Variants in CCDC141 observed in about 807,000 individuals in gnomAD.
CCDC141 encodes coiled-coil domain containing 141.
In CCDC141, 168 loss-of-function variants were observed where a neutral mutation model predicts 181.0. The observed-to-expected ratio is 0.93, with a 90% CI of 0.82 to 1.05. CCDC141 has a LOEUF of 1.05. Among genes scored for constraint, CCDC141 ranks in the 50% least tolerant of loss-of-function variants. The pLI is 0.00. For missense variants in CCDC141, 1,902 were observed against 1,788.5 expected (o/e 1.06, Z -1.14); for synonymous variants, 666 against 642.3 (o/e 1.04, Z -0.56).
At chr2:179,035,467 C>A (rs932016353) in intron 2 of CCDC141, among the ~76,000 whole-genome samples, 4 of 152,142 alleles carry the variant, frequency 2.6e-5, no homozygotes, top group African/African-American at 9.7e-5. Context: ...ATTCTAGTAG[C>A]CTGGAATAGC....
At chr2:178,989,603 A>AT (rs751550367) in intron 2 of CCDC141, among the ~76,000 whole-genome samples, 52,724 of 107,586 alleles carry the variant, frequency 0.49, 11,679 homozygotes, top group Non-Finnish European at 0.59. Context: ...CAAAAAAAAA[A>AT]AAAAATAAAT....
chr2:178,949,481 C>G (rs1452328772), intron 5 of CCDC141, among the ~76,000 whole-genome samples: 1 of 152,114 alleles, frequency 6.6e-6, no homozygotes, highest in East Asian at 1.9e-4. Flanking sequence ...AGAATTCATA[C>G]TATGCAATAT....
intron 5 of CCDC141, among the ~76,000 whole-genome samples, chr2:178,944,913 A>T (rs1487460068): frequency 6.6e-6 from 1 of 152,174 alleles, no homozygotes; most frequent in African/African-American, 2.4e-5. Context: ...ATAAAATGAA[A>T]ATCTCCTAAC....
intron 6 of CCDC141, among the ~76,000 whole-genome samples, chr2:178,923,201 T>G: frequency 6.8e-6 from 1 of 148,124 alleles, no homozygotes; most frequent in African/African-American, 2.5e-5. Flanking sequence ...GCCTCCCGGG[T>G]TCACGCCATT....
intron 1 of CCDC141, among the ~76,000 whole-genome samples, chr2:179,049,237 A>G (rs2154391575): frequency 6.6e-6 from 1 of 152,306 alleles, no homozygotes; most frequent in East Asian, 1.9e-4. Context: ...TGTTAAGAGC[A>G]AATTTGACAC....
intron 2 of CCDC141, among the ~76,000 whole-genome samples, chr2:178,990,319 A>T (rs1691988456): frequency 6.6e-6 from 1 of 151,996 alleles, no homozygotes; most frequent in South Asian, 2.1e-4. Flanking sequence ...ATGACCAAGA[A>T]ATTATGCTCC....
chr2:178,948,978 C>A (rs750305272), intron 5 of CCDC141, among the ~76,000 whole-genome samples: 2 of 152,148 alleles, frequency 1.3e-5, no homozygotes, highest in Non-Finnish European at 2.9e-5. Flanking sequence ...CATTCATTGG[C>A]TGAGTAAAGG....
chr2:179,031,758 A>C (rs1368300375), intron 2 of CCDC141, among the ~76,000 whole-genome samples: 1 of 152,062 alleles, frequency 6.6e-6, no homozygotes, highest in Non-Finnish European at 1.5e-5. Context: ...TCTTTTCAAC[A>C]TGTTAATAAA....
At chr2:179,034,881 T>A (rs1040744057) in intron 2 of CCDC141, among the ~76,000 whole-genome samples, 3 of 152,222 alleles carry the variant, frequency 2.0e-5, no homozygotes, top group Non-Finnish European at 4.4e-5. Context: ...TTTATTTGTA[T>A]TTCTTATCAA....
downstream of CCDC141, chr2:178,829,637 C>T (rs966305461): frequency 3.9e-5 from 6 of 152,224 alleles, no homozygotes; most frequent in African/African-American, 1.4e-4. Context: ...TTAAAAAGGA[C>T]ACTTTCATTT....
chr2:178,839,810 C>G (rs943544799), intron 22 of CCDC141, among the ~76,000 whole-genome samples: 10 of 151,964 alleles, frequency 6.6e-5, no homozygotes, highest in African/African-American at 2.4e-4. Context: ...TACTAATTGC[C>G]CCTCCCTCTT....
chr2:178,903,584 C>T (rs1293911904), intron 8 of CCDC141, among the ~76,000 whole-genome samples: 17 of 120,260 alleles, frequency 1.4e-4, no homozygotes, highest in African/African-American at 5.0e-4. Flanking sequence ...GGAAGGGGAA[C>T]ATCACACTCT....
chr2:178,859,701 C>T (rs1685521446), intron 17 of CCDC141, among the ~76,000 whole-genome samples: 1 of 152,186 alleles, frequency 6.6e-6, no homozygotes, highest in African/African-American at 2.4e-5. Flanking sequence ...ACTGAGTTAA[C>T]ATAGCTATAA....
intron 2 of CCDC141, among the ~76,000 whole-genome samples, chr2:179,041,027 T>C (rs2043282287): frequency 6.6e-6 from 1 of 152,176 alleles, no homozygotes; most frequent in Admixed American, 6.5e-5. Context: ...AAGCATTCCT[T>C]TTCTCCAAAT....
At chr2:178,979,355 A>G (rs1303675599) in intron 2 of CCDC141, among the ~76,000 whole-genome samples, 1 of 152,212 alleles carries the variant, frequency 6.6e-6, no homozygotes, top group African/African-American at 2.4e-5. Flanking sequence ...TAGTATGAAT[A>G]AATTCTAAAA....
chr2:178,820,112 C>T, the CCDC141 span, among the ~76,000 whole-genome samples: 23,331 of 152,148 alleles, frequency 0.15, 2,024 homozygotes, highest in South Asian at 0.23. Flanking sequence ...TTCCATAACA[C>T]GGCAGTTGAT....
chr2:178,898,909 C>T (rs1165777576), intron 8 of CCDC141, among the ~76,000 whole-genome samples: 1 of 152,070 alleles, frequency 6.6e-6, no homozygotes, highest in East Asian at 1.9e-4. Flanking sequence ...GTTTATCTTC[C>T]CTATTTCAAA....
rs1337607463 is a variant in CCDC141, at chr2:179,047,368, C to T, written c.141G>A (p.Gln47=). ...KWVQLQLAES[Q]PNLLEIGSSQ... Reference sequence around the variant, plus strand: ...TGCTGCCAATTTCTAGAAGATTGGGCTGTGATTCAGCCAGTTGAAGTTGTA... The same window carrying T: ...TGCTGCCAATTTCTAGAAGATTGGGTTGTGATTCAGCCAGTTGAAGTTGTA... Residue 47 remains glutamine (Q), a synonymous_variant, in exon 2 of 24, where the codon CAG becomes CAA. Coordinates refer to ENST00000443758, the MANE Select transcript of CCDC141 (RefSeq NM_173648.4). 4.6e-6 allele frequency: 7 copies of T among 1,538,212 alleles called. No homozygotes were observed. Among genetic ancestry groups the T allele is most frequent in the Non-Finnish European group, 8.7e-7 (1 of 1,143,292 alleles).
chr2:178,981,068 A>G (rs1691365481), intron 2 of CCDC141, among the ~76,000 whole-genome samples: 1 of 152,216 alleles, frequency 6.6e-6, no homozygotes, highest in Non-Finnish European at 1.5e-5. Flanking sequence ...CTAAATGGGT[A>G]TGAGCCTAAC....
Sources: gnomAD v4.1 joint callset for allele counts (sites outside exome capture counted in the v4.1 genomes callset) on GRCh38, gnomAD v4.1.1 for gene constraint, MANE v1.5 for transcripts, NCBI Gene and HGNC (gene_info 2026-07-23, HGNC 2026-07-21) for gene names.